COMMD10: variants seen among roughly 807,000 people sequenced by gnomAD.
COMMD10 encodes the protein COMM domain containing 10.
Under a neutral mutation model 28.9 loss-of-function variants are expected in COMMD10, and 33 were observed. That is an observed-to-expected ratio of 1.14 (90% CI 0.87 to 1.53). COMMD10 has a LOEUF of 1.53. COMMD10 is among the 40% of genes most tolerant of loss of function. COMMD10 has a pLI of 0.00. For synonymous variants in COMMD10, 110 were observed against 81.7 expected, an observed-to-expected ratio of 1.35 and a Z score of -1.87; for missense variants, 310 against 233.4, an observed-to-expected ratio of 1.33 and a Z score of -2.14.
chr5:116,268,133 A>G (rs1750646114), intron 5 of COMMD10, among the ~76,000 whole-genome samples: 1 of 151,976 alleles, frequency 6.6e-6, no homozygotes, highest in Non-Finnish European at 1.5e-5. Flanking sequence ...TCTGCACAGC[A>G]AAAGAAACTA....
At chr5:116,221,846 A>G (rs1303322632) in intron 5 of COMMD10, among the ~76,000 whole-genome samples, 1 of 152,066 alleles carries the variant, frequency 6.6e-6, no homozygotes, top group Non-Finnish European at 1.5e-5. Context: ...ATTTTCCCAC[A>G]TTTTTTCTTA....
At chr5:116,167,665 G>A (rs530119711) in intron 5 of COMMD10, among the ~76,000 whole-genome samples, 1 of 152,096 alleles carries the variant, frequency 6.6e-6, no homozygotes, top group Non-Finnish European at 1.5e-5. Flanking sequence ...AGAAGAGAGT[G>A]GGGGCCAATA....
chr5:116,176,939 G>A (rs1048047648), intron 5 of COMMD10, among the ~76,000 whole-genome samples: 1 of 152,178 alleles, frequency 6.6e-6, no homozygotes, highest in Non-Finnish European at 1.5e-5. Flanking sequence ...CAACTTGGAA[G>A]AGGGTCCTTC....
chr5:116,248,446 C>T (rs753310103), intron 5 of COMMD10, among the ~76,000 whole-genome samples: 2 of 151,918 alleles, frequency 1.3e-5, no homozygotes, highest in Non-Finnish European at 1.5e-5. Context: ...ACAAAGACTC[C>T]GGAAAGGTAA....
intron 5 of COMMD10, among the ~76,000 whole-genome samples, chr5:116,186,915 CT>C (rs1253044188): frequency 6.6e-6 from 1 of 152,148 alleles, no homozygotes; most frequent in Non-Finnish European, 1.5e-5. Context: ...AACATATATA[CT>C]TTTCCATTAT....
intron 5 of COMMD10, among the ~76,000 whole-genome samples, chr5:116,270,946 A>G (rs1012239751): frequency 6.6e-6 from 1 of 151,248 alleles, no homozygotes. Flanking sequence ...TCAAAAAATA[A>G]TAATAAAGAT....
chr5:116,237,128 T>C (rs866987138), intron 5 of COMMD10, among the ~76,000 whole-genome samples: 4 of 152,032 alleles, frequency 2.6e-5, no homozygotes, highest in Admixed American at 6.6e-5. Context: ...GGGCAGAGGA[T>C]ATAACTAGTA....
intron 5 of COMMD10, among the ~76,000 whole-genome samples, chr5:116,272,459 C>G (rs1339519590): frequency 6.6e-6 from 1 of 151,790 alleles, no homozygotes; most frequent in Non-Finnish European, 1.5e-5. Context: ...TCTCAAAACA[C>G]TTTCATAATA....
chr5:116,236,167 A>G (rs547323012), intron 5 of COMMD10, among the ~76,000 whole-genome samples: 65 of 152,266 alleles, frequency 4.3e-4, no homozygotes, highest in Non-Finnish European at 8.4e-4. Context: ...GAGGATAAGT[A>G]AACTTGGTAC....
At position 116,151,654 on chromosome 5, in the gene COMMD10, C is replaced by T. The variant is rs140321353; in HGVS notation, c.510+17476C>T. 8.9e-3 allele frequency among the ~76,000 whole-genome samples: 1,356 copies of T among 152,036 alleles called. 17 individuals are homozygous for T. Among genetic ancestry groups the T allele is most frequent in the East Asian group, 0.024 (122 of 5,160 alleles). Reference sequence around the variant, plus strand: ...TCTAGTTTATTTGCATAGAGGTGTTCGTAGTATTCTCTGATGGTACTTTGT... The same window carrying T: ...TCTAGTTTATTTGCATAGAGGTGTTTGTAGTATTCTCTGATGGTACTTTGT... On this transcript the variant is annotated intron_variant, in intron 5 of 6. Coordinates refer to ENST00000274458, the MANE Select transcript of COMMD10 (RefSeq NM_016144.4).
chr5:116,166,864 G>C (rs1182096233), intron 5 of COMMD10, among the ~76,000 whole-genome samples: 1 of 152,004 alleles, frequency 6.6e-6, no homozygotes, highest in Non-Finnish European at 1.5e-5. Context: ...AAAGACCAAA[G>C]GTAGATAAAT....
chr5:116,130,872 T>C (rs1222289869), intron 4 of COMMD10, among the ~76,000 whole-genome samples: 1 of 152,028 alleles, frequency 6.6e-6, no homozygotes, highest in African/African-American at 2.4e-5. Flanking sequence ...ATAATAAGTA[T>C]AACATTGTAA....
intron 5 of COMMD10, among the ~76,000 whole-genome samples, chr5:116,144,513 A>T (rs568120113): frequency 2.1e-4 from 32 of 152,004 alleles, no homozygotes; most frequent in African/African-American, 6.3e-4. Context: ...CTGACTCCAT[A>T]GTCTGAGCTT....
At chr5:116,122,615 A>T (rs1751475348) in intron 4 of COMMD10, among the ~76,000 whole-genome samples, 1 of 152,212 alleles carries the variant, frequency 6.6e-6, no homozygotes, top group South Asian at 2.1e-4. Flanking sequence ...ATCCATGAGC[A>T]TGGAATGCTC....
At chr5:116,104,255 G>A (rs568045766) in intron 4 of COMMD10, among the ~76,000 whole-genome samples, 2 of 152,120 alleles carry the variant, frequency 1.3e-5, no homozygotes, top group East Asian at 1.9e-4. Flanking sequence ...CCATTTTCAC[G>A]ATATTGATTC....
At chr5:116,172,064 A>G (rs973689263) in intron 5 of COMMD10, among the ~76,000 whole-genome samples, 2 of 152,154 alleles carry the variant, frequency 1.3e-5, no homozygotes, top group African/African-American at 4.8e-5. Flanking sequence ...GCTTAGTGGT[A>G]TGTCCAGAGC....
At chr5:116,282,650 A>G (rs1751102903) in intron 5 of COMMD10, among the ~76,000 whole-genome samples, 1 of 151,878 alleles carries the variant, frequency 6.6e-6, no homozygotes, top group African/African-American at 2.4e-5. Flanking sequence ...ACTAAAATCA[A>G]TTTGGTTTCT....
At position 116,288,884 on chromosome 5, in the gene COMMD10, T is replaced by TC. The variant is rs1561410684; in HGVS notation, c.511-2633_511-2632insC. Among the ~76,000 whole-genome samples, 288 of 136,128 alleles carry TC rather than the reference T, an allele frequency of 2.1e-3. 1 individual carries two copies. The highest frequency in any genetic ancestry group is 2.9e-3 in the African/African-American group (104 of 35,762). 89.3% of individuals were successfully genotyped at this position (136,128 alleles called of 152,430 possible). On this transcript the variant is annotated intron_variant, in intron 5 of 6. Coordinates refer to ENST00000274458, the MANE Select transcript of COMMD10 (RefSeq NM_016144.4). ...TGGTGTTCTCTCTCTTTTTTTTTTT[T>TC]TTTTTTTTTTTTTTTGTGAGACAGT...
chr5:116,182,127 C>G (rs527924578), intron 5 of COMMD10, among the ~76,000 whole-genome samples: 27 of 152,034 alleles, frequency 1.8e-4, no homozygotes, highest in Middle Eastern at 3.4e-3. Context: ...AAATTGAGAC[C>G]CACAGAAGAG....
Sources: allele counts gnomAD v4.1 joint callset (sites outside exome capture counted in the v4.1 genomes callset), GRCh38; gene constraint gnomAD v4.1.1; transcripts MANE v1.5; gene names NCBI Gene and HGNC (gene_info 2026-07-23, HGNC 2026-07-21).